PRRC2C: variants seen among roughly 807,000 people sequenced by gnomAD.
PRRC2C encodes the protein protein PRRC2C.
In PRRC2C, 72 loss-of-function variants were observed where a neutral mutation model predicts 317.2. The observed-to-expected ratio is 0.23, with a 90% CI of 0.19 to 0.28. The LOEUF (loss-of-function observed/expected upper bound fraction) is 0.28. Ranked by LOEUF, PRRC2C falls within the 10% of genes least tolerant of loss-of-function variation. PRRC2C has a pLI of 1.00. For missense variants in PRRC2C, 3,074 were observed against 3,459.7 expected (o/e 0.89, Z 2.80); for synonymous variants, 1,296 against 1,205.9 (o/e 1.07, Z -1.55).
rs920827422 is a variant in PRRC2C, at chr1:171,566,099, ATAAT to A, written c.6118-129_6118-126del. ...AGTTAAGAGAAAATTATCCTAAAAT[ATAAT>A]TAATGTCGGTCTCAGTTAATATGTA... On this transcript the variant is annotated intron_variant, in intron 20 of 34. Transcript: ENST00000647382. 8.8e-6 allele frequency: 6 copies of A among 683,234 alleles called. No individual in the cohort carries two copies. The Admixed American group carries it at 1.9e-4, about 22-fold the overall frequency. 42.3% of individuals were successfully genotyped at this position (683,234 alleles called of 1,614,324 possible).
Position 171,557,944 on chromosome 1 carries a change from T to A in PRRC2C, c.5832T>A (p.Asn1944Lys), listed in dbSNP as rs1681771792. The stretch of plus-strand genomic sequence containing the variant: ...CACAGACCCACAAACCAGTCCAGAA[T>A]CCACTACAGACTACATCTCAGTCTT... ...TQAQTHKPVQ[N>K]PLQTTSQSSK... Residue 1944 changes from asparagine to lysine, a missense_variant, in exon 19 of 35, where the codon AAT becomes AAA. Coordinates refer to ENST00000647382, the MANE Select transcript of PRRC2C (RefSeq NM_001387844.1). 2 of 1,465,620 alleles carry A rather than the reference T, an allele frequency of 1.4e-6. No homozygotes were observed. Among genetic ancestry groups the A allele is most frequent in the Non-Finnish European group, 1.8e-6 (2 of 1,095,338 alleles). The allele number at this position is 1,465,620 out of a possible 1,614,324, so 90.8% of individuals were successfully genotyped here. A position where few individuals can be genotyped will look rare whatever the true frequency, so the allele number is the denominator to read the frequency against.
At chr1:171,531,271 TC>T (rs1331794580) in intron 11 of PRRC2C, among the ~76,000 whole-genome samples, 8 of 152,238 alleles carry the variant, frequency 5.3e-5, no homozygotes, top group African/African-American at 1.9e-4. Flanking sequence ...GTATCATTTG[TC>T]CAAACTCATC....
At chr1:171,512,926 A>G (rs1216741281) in intron 2 of PRRC2C, 69 bp from the exon 3 acceptor site, 33 of 1,363,098 alleles carry the variant, frequency 2.4e-5, no homozygotes, top group African/African-American at 4.4e-5. Context: ...TTGTTTTTCT[A>G]TATTGTTTGA....
intron 1 of PRRC2C, among the ~76,000 whole-genome samples, chr1:171,495,050 T>C (rs555060054): frequency 6.6e-6 from 1 of 152,352 alleles, no homozygotes; most frequent in East Asian, 1.9e-4. Flanking sequence ...ATGGATAAAC[T>C]GAACAGTTTT....
At chr1:171,555,067 G>T (rs1394234412) in intron 18 of PRRC2C, among the ~76,000 whole-genome samples, 3 of 152,148 alleles carry the variant, frequency 2.0e-5, no homozygotes, top group African/African-American at 7.2e-5. Context: ...TTTCCAACTT[G>T]GTTCCATTCT....
In PRRC2C at chr1:171,591,884, G is replaced by T; in HGVS notation, c.*37G>T. The T allele has an allele frequency of 2.2e-5, 10 of 449,388 alleles. No individual in the cohort carries two copies. Among genetic ancestry groups the T allele is most frequent in the Non-Finnish European group, 3.3e-5 (8 of 241,936 alleles). 27.8% of individuals were successfully genotyped at this position (449,388 alleles called of 1,614,324 possible). Reference sequence around the variant, plus strand: ...TATTGCAGGGGATTGGGAGGGGGGCGGGAAAACATGGAGAATTAAGTCAGA... The same window carrying T: ...TATTGCAGGGGATTGGGAGGGGGGCTGGAAAACATGGAGAATTAAGTCAGA... On this transcript the variant is annotated 3_prime_UTR_variant, in exon 35 of 35. Transcript: ENST00000647382.
At chr1:171,591,425 C>A in intron 34 of PRRC2C, 162 bp from the exon 35 acceptor site, 37 of 436,332 alleles carry the variant, frequency 8.5e-5, no homozygotes, top group East Asian at 3.2e-4. Context: ...AGGAAGAAAT[C>A]TATTCATTAA....
intron 34 of PRRC2C, among the ~76,000 whole-genome samples, chr1:171,590,718 T>G (rs753238339): frequency 2.6e-5 from 4 of 152,242 alleles, no homozygotes; most frequent in Non-Finnish European, 4.4e-5. Flanking sequence ...GATTTCCATC[T>G]GTTTGTTATA....
At position 171,489,340 on chromosome 1, in the gene PRRC2C, A is replaced by G. The variant is rs566741197; in HGVS notation, c.-58+3605A>G. ...TTAGCTTATTCAACAAAGATTGAAG[A>G]TTCTTTTAATTTTGTAAGGCCCAGT... is the stretch of plus-strand genomic sequence containing the variant. On this transcript the variant is annotated intron_variant, in intron 1 of 34. Coordinates refer to ENST00000647382, the MANE Select transcript of PRRC2C (RefSeq NM_001387844.1). Among the ~76,000 whole-genome samples, 335 of 152,364 alleles carry G rather than the reference A, an allele frequency of 2.2e-3. 1 individual carries two copies. The highest frequency in any genetic ancestry group is 7.8e-3 in the African/African-American group (324 of 41,592).
chr1:171,542,756 G>A (rs1678190761), intron 16 of PRRC2C, among the ~76,000 whole-genome samples: 1 of 151,816 alleles, frequency 6.6e-6, no homozygotes, highest in East Asian at 1.9e-4. Flanking sequence ...GCTAAACTTG[G>A]CCTGTTTTTT....
In PRRC2C at chr1:171,513,100, A is replaced by T; in HGVS notation, c.218A>T (p.Asp73Val). The change falls in exon 3 of 35, where the codon GAT (aspartate) becomes GTT (valine). Residue 73 changes from aspartate (D) to valine (V), a missense_variant. By Grantham distance (152) the Asp-to-Val change is radical. Coordinates refer to ENST00000647382, the MANE Select transcript of PRRC2C (RefSeq NM_001387844.1). ...CTTAAAGCAGAAAACAAAGGCAATG[A>T]TCCTAATGTAAACATTGTACCTAAA... ...PSLKAENKGN[D>V]PNVNIVPKDG... 6.2e-7 allele frequency: 1 copy of T among 1,613,864 alleles called. No homozygotes were observed. Among genetic ancestry groups the T allele is most frequent in the Non-Finnish European group, 8.5e-7 (1 of 1,179,810 alleles).
intron 18 of PRRC2C, 70 bp downstream of exon 18, chr1:171,550,310 A>G: frequency 1.4e-6 from 2 of 1,380,714 alleles, no homozygotes; most frequent in South Asian, 1.6e-5. Flanking sequence ...GCAAATGTTC[A>G]AGGTTTTTAT....
intron 34 of PRRC2C, 103 bp from the exon 35 acceptor site, chr1:171,591,484 G>A: frequency 6.9e-7 from 1 of 1,444,162 alleles, no homozygotes; most frequent in South Asian, 1.4e-5. Flanking sequence ...AACCAGTGTG[G>A]GGAAAACTGA....
chr1:171,534,664 G>T (rs1401647991), intron 12 of PRRC2C, among the ~76,000 whole-genome samples: 1 of 151,618 alleles, frequency 6.6e-6, no homozygotes, highest in Non-Finnish European at 1.5e-5. Context: ...AGGCTAAAGT[G>T]ATCCTCTCAC....
At chr1:171,551,617 C>G (rs1360426625) in intron 18 of PRRC2C, among the ~76,000 whole-genome samples, 2 of 152,118 alleles carry the variant, frequency 1.3e-5, no homozygotes, top group African/African-American at 4.8e-5. Flanking sequence ...AGTCTTTAAT[C>G]CATCTTGAAT....
intron 1 of PRRC2C, among the ~76,000 whole-genome samples, chr1:171,502,073 C>A (rs963787370): frequency 6.6e-5 from 10 of 152,224 alleles, no homozygotes; most frequent in Non-Finnish European, 1.5e-4. Flanking sequence ...CAGGTATACA[C>A]CACCACACCC....
chr1:171,543,249 GGGAGT>G (rs1469475780), intron 16 of PRRC2C, among the ~76,000 whole-genome samples: 4 of 151,468 alleles, frequency 2.6e-5, no homozygotes, highest in African/African-American at 9.7e-5. Flanking sequence ...AGGCGCCACT[GGGAGT>G]GGAGCTTGCA....
chr1:171,524,806 A>G lies in PRRC2C; in HGVS notation c.1056-15A>G. 1.3e-6 allele frequency: 2 copies of G among 1,538,810 alleles called. No individual in the cohort carries two copies. Among genetic ancestry groups the G allele is most frequent in the Admixed American group, 2.2e-5 (1 of 45,092 alleles). On this transcript the variant is annotated splice_polypyrimidine_tract_variant and intron_variant, in intron 9 of 34. Transcript: ENST00000647382. ...AGTTGGTCCACTTTATTTCTTCTGCATTTTGATTTTTCAGTGAGGATCAAG... is the reference window on the plus strand; with the variant it reads ...AGTTGGTCCACTTTATTTCTTCTGCGTTTTGATTTTTCAGTGAGGATCAAG...
intron 13 of PRRC2C, 89 bp downstream of exon 13, chr1:171,535,686 C>T (rs921016993): frequency 2.1e-5 from 29 of 1,376,972 alleles, no homozygotes; most frequent in Middle Eastern, 1.9e-4. Context: ...ACTGATAATA[C>T]GTAAAGCACA....
Sources: allele counts gnomAD v4.1 joint callset (sites outside exome capture counted in the v4.1 genomes callset), GRCh38; gene constraint gnomAD v4.1.1; transcripts MANE v1.5; gene names NCBI Gene and HGNC (gene_info 2026-07-23, HGNC 2026-07-21).